Variants in DLG2 observed in about 807,000 individuals in gnomAD.
DLG2 encodes the protein discs large MAGUK scaffold protein 2.
In DLG2, 45 loss-of-function variants were observed where a neutral mutation model predicts 132.5. That is an observed-to-expected ratio of 0.34 (90% CI 0.27 to 0.44). DLG2 has a LOEUF of 0.44. DLG2 is among the 20% of genes least tolerant of loss of function. DLG2 has a pLI of 1.00. For synonymous variants in DLG2, 424 were observed against 419.6 expected (o/e 1.01, Z -0.13); for missense variants, 1,045 against 1,196.9 (o/e 0.87, Z 1.87).
Position 84,247,987 on chromosome 11 carries a change from G to A in DLG2, c.573+3251C>T, listed in dbSNP as rs1033162810. 2.6e-5 allele frequency among the ~76,000 whole-genome samples: 4 copies of A among 152,240 alleles called. No homozygotes were observed. The South Asian group carries it at 6.2e-4, about 24-fold the overall frequency. Reference sequence around the variant, plus strand: ...ACGCAACATGACTAAAATGCCCTAGGGAACTCTGAAATCGTTTTTTCATTA... The same window carrying A: ...ACGCAACATGACTAAAATGCCCTAGAGAACTCTGAAATCGTTTTTTCATTA... On this transcript the variant is annotated intron_variant, in intron 8 of 27. Coordinates refer to ENST00000376104, the MANE Select transcript of DLG2 (RefSeq NM_001142699.3).
intron 17 of DLG2, among the ~76,000 whole-genome samples, chr11:83,813,059 T>A (rs1411348573): frequency 6.6e-6 from 1 of 151,984 alleles, no homozygotes; most frequent in Non-Finnish European, 1.5e-5. Flanking sequence ...GAAGCAGGAG[T>A]CATTGGCTCC....
intron 6 of DLG2, among the ~76,000 whole-genome samples, chr11:84,983,734 A>T (rs1245057082): frequency 6.6e-6 from 1 of 152,216 alleles, no homozygotes; most frequent in Non-Finnish European, 1.5e-5. Context: ...ATTTAAGGAA[A>T]TTTTTTAAAA....
intron 7 of DLG2, among the ~76,000 whole-genome samples, chr11:84,462,238 C>A (rs539073516): frequency 2.2e-4 from 33 of 151,142 alleles, no homozygotes; most frequent in African/African-American, 6.5e-4. Flanking sequence ...CAGTCAGGGA[C>A]TTTAACCACA....
intron 6 of DLG2, among the ~76,000 whole-genome samples, chr11:85,090,745 C>G (rs2068632442): frequency 6.6e-6 from 1 of 152,058 alleles, no homozygotes; most frequent in Non-Finnish European, 1.5e-5. Flanking sequence ...CAATTATCAC[C>G]AAAAAGTGAG....
rs189331499 is a variant in DLG2, at chr11:85,395,365, T to G, written c.41-110000A>C. ...GGCAGAAGAGGGGTGGTTTCTGCAT[T>G]TCCAAATGAGGTACCTGGTTCATCT... is the stretch of plus-strand genomic sequence containing the variant. On this transcript the variant is annotated intron_variant, in intron 3 of 27. Coordinates refer to ENST00000376104, the MANE Select transcript of DLG2 (RefSeq NM_001142699.3). Among the ~76,000 whole-genome samples, 275 of 152,170 alleles carry G rather than the reference T, an allele frequency of 1.8e-3. 3 individuals carry two copies. The highest frequency in any genetic ancestry group is 6.8e-3 in the Middle Eastern group (2 of 294).
At chr11:83,917,897 C>A (rs76947824) in intron 15 of DLG2, among the ~76,000 whole-genome samples, 2,767 of 152,234 alleles carry the variant, frequency 0.018, 88 homozygotes, top group African/African-American at 0.063. Context: ...GGAAAATCTA[C>A]AATTCGATTC....
chr11:84,681,674 T>A (rs556795433), intron 6 of DLG2, among the ~76,000 whole-genome samples: 1 of 152,222 alleles, frequency 6.6e-6, no homozygotes, highest in Non-Finnish European at 1.5e-5. Flanking sequence ...AGACAATCCA[T>A]CTGCAGTCAG....
At chr11:84,477,543 C>A (rs2099125095) in intron 7 of DLG2, among the ~76,000 whole-genome samples, 1 of 152,000 alleles carries the variant, frequency 6.6e-6, no homozygotes, top group Non-Finnish European at 1.5e-5. Context: ...TCTCCAAAAC[C>A]ATTAAGAAAA....
At chr11:83,556,963 G>A (rs1258679585) in intron 19 of DLG2, among the ~76,000 whole-genome samples, 2 of 152,102 alleles carry the variant, frequency 1.3e-5, no homozygotes, top group Non-Finnish European at 2.9e-5. Context: ...CTAATTATCA[G>A]CCCATAATAT....
At chr11:83,631,818 A>T (rs926889254) in intron 19 of DLG2, 2 of 152,144 alleles carry the variant, frequency 1.3e-5, no homozygotes, top group Admixed American at 1.3e-4. Context: ...AACCCAGCTG[A>T]CTTTTTCCAA....
chr11:85,551,596 T>G (rs2076669631), intron 3 of DLG2, among the ~76,000 whole-genome samples: 1 of 152,042 alleles, frequency 6.6e-6, no homozygotes, highest in Admixed American at 6.5e-5. Context: ...TACAAAAACA[T>G]TGACATTCAA....
chr11:83,656,143 CA>C (rs1204840461), intron 18 of DLG2, among the ~76,000 whole-genome samples: 1 of 152,224 alleles, frequency 6.6e-6, no homozygotes, highest in Non-Finnish European at 1.5e-5. Context: ...AGATGGCATG[CA>C]GAACACAACC....
intron 7 of DLG2, among the ~76,000 whole-genome samples, chr11:84,511,119 G>A (rs1183240593): frequency 2.6e-5 from 4 of 152,196 alleles, no homozygotes; most frequent in Non-Finnish European, 4.4e-5. Flanking sequence ...TATATAAAAT[G>A]AGTTTGATGA....
chr11:85,356,797 TA>T (rs1445424587), intron 3 of DLG2, among the ~76,000 whole-genome samples: 1 of 150,788 alleles, frequency 6.6e-6, no homozygotes, highest in Non-Finnish European at 1.5e-5. Flanking sequence ...GATAGATAGA[TA>T]GATAGATAGA....
At chr11:84,179,940 T>G (rs539513528) in intron 8 of DLG2, among the ~76,000 whole-genome samples, 1 of 152,254 alleles carries the variant, frequency 6.6e-6, no homozygotes, top group African/African-American at 2.4e-5. Context: ...CCCCAATACC[T>G]TGCCACTACA....
chr11:84,989,467 T>C (rs568344493), intron 6 of DLG2, among the ~76,000 whole-genome samples: 59 of 152,274 alleles, frequency 3.9e-4, no homozygotes, highest in African/African-American at 1.4e-3. Flanking sequence ...TGAGCCACCA[T>C]GACTGGCCAT....
At chr11:84,546,792 A>T (rs1326596056) in intron 6 of DLG2, 1 of 237,848 alleles carries the variant, frequency 4.2e-6, no homozygotes, top group Non-Finnish European at 8.7e-6. Flanking sequence ...CAACCCTCCA[A>T]TGAAGACCTT....
chr11:85,557,480 A>C (rs998068507), intron 3 of DLG2, among the ~76,000 whole-genome samples: 10 of 151,868 alleles, frequency 6.6e-5, no homozygotes, highest in Non-Finnish European at 1.5e-4. Flanking sequence ...AGAACCAAAA[A>C]AGAGTCTGAA....
intron 6 of DLG2, among the ~76,000 whole-genome samples, chr11:84,848,689 A>G (rs2154020164): frequency 6.6e-6 from 1 of 152,244 alleles, no homozygotes; most frequent in South Asian, 2.1e-4. Context: ...AATTTAGCTG[A>G]TAAGATCTTG....
Sources: allele counts gnomAD v4.1 joint callset (sites outside exome capture counted in the v4.1 genomes callset), GRCh38; gene constraint gnomAD v4.1.1; transcripts MANE v1.5; gene names NCBI Gene and HGNC (gene_info 2026-07-23, HGNC 2026-07-21).